Variants in TGM7 observed in about 807,000 individuals in gnomAD.
TGM7 encodes protein-glutamine gamma-glutamyltransferase Z.
A neutral mutation model predicts 79.5 loss-of-function variants in TGM7; 74 were observed. That is an observed-to-expected ratio of 0.93 (90% CI 0.77 to 1.13). TGM7 has a LOEUF of 1.13. Among genes scored for constraint, TGM7 ranks in the 50% most tolerant of loss-of-function variants. The pLI is 0.00. For synonymous variants in TGM7, 354 were observed against 362.5 expected (o/e 0.98, Z 0.27); for missense variants, 912 against 905.9 (o/e 1.01, Z -0.09).
chr15:43,291,898 A>G, intron 4 of TGM7, 81 bp downstream of exon 4: 2 of 1,041,086 alleles, frequency 1.9e-6, no homozygotes, highest in South Asian at 2.7e-5. Context: ...GCTGTGTAAT[A>G]TAACAGCCTT....
Position 43,279,887 on chromosome 15 carries a change from A to C in TGM7, c.1416T>G (p.Ala472=), listed in dbSNP as rs1156830919. 1 of 1,614,208 alleles carries C rather than the reference A, an allele frequency of 6.2e-7. No homozygotes were observed. Among genetic ancestry groups the C allele is most frequent in the Admixed American group, 1.7e-5 (1 of 60,030 alleles). The change falls in exon 10 of 13, where the codon GCT becomes GCG. Residue 472 remains alanine (A), a synonymous_variant. Coordinates refer to ENST00000452443, the MANE Select transcript of TGM7 (RefSeq NM_052955.3). ...ASRKMLGPQR[A]SLPFLDLLES... ...CCAGGAGATCCAGGAAGGGCAAAGA[A>C]GCTCTTTGGGGGCCCAGCATTTTCC...
At position 43,297,587 on chromosome 15, in the gene TGM7, T is replaced by A. The variant is rs141508668; in HGVS notation, c.11-3956A>T. Among the ~76,000 whole-genome samples, 21 of 114,570 alleles carry A rather than the reference T, an allele frequency of 1.8e-4. No individual in the cohort carries two copies. The South Asian group carries it at 6.4e-3, about 35-fold the overall frequency. The allele number at this position is 114,570 out of a possible 152,430, so 75.2% of individuals were successfully genotyped here. A position where few individuals can be genotyped will look rare whatever the true frequency, so the allele number is the denominator to read the frequency against. Reference sequence around the variant, plus strand: ...ACATTGAAACAGCCATCTGCATGTATAGAAAGAAAGAAAGAAAGAAAGAAA... The same window carrying A: ...ACATTGAAACAGCCATCTGCATGTAAAGAAAGAAAGAAAGAAAGAAAGAAA... On this transcript the variant is annotated intron_variant, in intron 1 of 12. Transcript: ENST00000452443.
At position 43,291,428 on chromosome 15, in the gene TGM7, T is replaced by C. The variant is rs953601136; in HGVS notation, c.558+551A>G. Among the ~76,000 whole-genome samples the C allele has an allele frequency of 7.2e-5, 11 of 152,372 alleles. No homozygotes were observed. In the East Asian group the frequency reaches 1.3e-3, roughly 19 times the overall value. On this transcript the variant is annotated intron_variant, in intron 4 of 12. Coordinates refer to ENST00000452443, the MANE Select transcript of TGM7 (RefSeq NM_052955.3). ...ATAACTCAATTCTGCCAATGCAGCA[T>C]GCAAGCAGCCACAGACTACATCTAA...
At chr15:43,276,687 T>A in intron 12 of TGM7, 73 bp from the exon 13 acceptor site, 1 of 1,558,908 alleles carries the variant, frequency 6.4e-7, no homozygotes, top group South Asian at 1.2e-5. Context: ...GGTTCCCCTC[T>A]GGGTGGGTAA....
chr15:43,292,775 C>T lies in TGM7; in HGVS notation c.373G>A (p.Gly125Ser), dbSNP rs1374310542. Residue 125 changes from glycine to serine, a missense_variant, in exon 3 of 13, where the codon GGC becomes AGC. Physicochemically the swap from Gly to Ser is moderately conservative, Grantham distance 56 (BLOSUM62 0). Transcript: ENST00000452443. ...HYTLKIEISQGQGHSVTYPLG... is the reference protein window; with the variant it reads ...HYTLKIEISQSQGHSVTYPLG... ...GGGTAAGTCACACTGTGACCTTGGC[C>T]CTGAGAGATCTCTATTTTCAGAGTG... 1.2e-6 allele frequency: 2 copies of T among 1,613,966 alleles called. No individual in the cohort carries two copies. The highest frequency in any genetic ancestry group is 1.3e-5 in the African/African-American group (1 of 74,898).
chr15:43,284,028 G>C (rs1456657253), intron 7 of TGM7, among the ~76,000 whole-genome samples: 2 of 152,108 alleles, frequency 1.3e-5, no homozygotes, highest in African/African-American at 4.8e-5. Flanking sequence ...GTGAAACCCC[G>C]TCTCTACTAA....
Position 43,287,658 on chromosome 15 carries a change from G to A in TGM7, c.570C>T (p.Asp190=). The A allele has an allele frequency of 5.6e-6, 9 of 1,609,418 alleles. No individual in the cohort carries two copies. The highest frequency in any genetic ancestry group is 6.8e-6 in the Non-Finnish European group (8 of 1,178,900). The change falls in exon 5 of 13, where the codon GAC becomes GAT. Residue 190 remains aspartate, a synonymous_variant. Coordinates refer to ENST00000452443, the MANE Select transcript of TGM7 (RefSeq NM_052955.3). ...WPWNYGQFEE[D]IIDICFEILN... is the part of the protein sequence containing the mutation. ...GGATCTCAAAGCAGATGTCTATGAT[G>A]TCCTCTTCAAACTTCCAAGTGATTT...
chr15:43,299,288 G>A (rs909253604), intron 1 of TGM7, among the ~76,000 whole-genome samples: 3 of 152,130 alleles, frequency 2.0e-5, no homozygotes, highest in Non-Finnish European at 4.4e-5. Context: ...TAGACCAGAG[G>A]GGAAGAAGAG....
intron 1 of TGM7, among the ~76,000 whole-genome samples, chr15:43,294,920 A>C (rs1175784107): frequency 3.4e-5 from 5 of 149,062 alleles, no homozygotes; most frequent in African/African-American, 1.2e-4. Flanking sequence ...TTTTTTGGAG[A>C]CAGGGTCTCA....
chr15:43,285,088 TC>T, intron 6 of TGM7, 136 bp from the exon 7 acceptor site: 1 of 906,260 alleles, frequency 1.1e-6, no homozygotes. Context: ...ACTCCTTTAT[TC>T]CCAGAGCCCC....
chr15:43,276,560 C>A lies in TGM7; in HGVS notation c.2028G>T (p.Pro676=). ...GGAGCTGGCGGGGTCCAGCTTTGGT[C>A]GGGTAGAGGTCCAGTTGAATTTGGA... is the stretch of plus-strand genomic sequence containing the variant. ...HTLQIQLDLY[P]TKAGPRQLQV... Residue 676 remains proline, a synonymous_variant, in exon 13 of 13, where the codon CCG becomes CCT. Coordinates refer to ENST00000452443, the MANE Select transcript of TGM7 (RefSeq NM_052955.3). The A allele has an allele frequency of 6.2e-7, 1 of 1,614,038 alleles. No homozygotes were observed. The highest frequency in any genetic ancestry group is 1.1e-5 in the South Asian group (1 of 91,048).
chr15:43,293,048 C>A, intron 2 of TGM7, 94 bp from the exon 3 acceptor site: 1 of 1,522,196 alleles, frequency 6.6e-7, no homozygotes, highest in Non-Finnish European at 8.8e-7. Context: ...CTTCTCCCAC[C>A]ACCTGCTAAT....
Position 43,276,433 on chromosome 15 carries a change from G to A in TGM7, c.*22C>T. The A allele has an allele frequency of 6.2e-7, 1 of 1,603,742 alleles. No individual in the cohort carries two copies. Among genetic ancestry groups the A allele is most frequent in the Non-Finnish European group, 8.5e-7 (1 of 1,174,454 alleles). On this transcript the variant is annotated 3_prime_UTR_variant, in exon 13 of 13. Coordinates refer to ENST00000452443, the MANE Select transcript of TGM7 (RefSeq NM_052955.3). ...AGCCAGGTGGGGCAGGGGTGCCAGG[G>A]AGGGCAGCTGGAGGGCGGGTCTCAG...
At chr15:43,289,129 G>A (rs1182908573) in intron 4 of TGM7, among the ~76,000 whole-genome samples, 2 of 151,662 alleles carry the variant, frequency 1.3e-5, no homozygotes, top group East Asian at 3.9e-4. Flanking sequence ...AGTTACATAT[G>A]TATACATGTG....
In TGM7 at chr15:43,279,785, C is replaced by T. The variant is rs1464842915; in HGVS notation, c.1518G>A (p.Leu506=). The T allele has an allele frequency of 6.2e-7, 1 of 1,614,134 alleles. No homozygotes were observed. The highest frequency in any genetic ancestry group is 1.3e-5 in the African/African-American group (1 of 75,080). ...LARIPEWGQD[L]QLLLRIQRVP... is the part of the protein sequence containing the mutation. ...CCCTCTGGATACGCAGCAGCAGCTGCAGGTCCTGGCCCCACTCGGGTATCC... is the reference window on the plus strand; with the variant it reads ...CCCTCTGGATACGCAGCAGCAGCTGTAGGTCCTGGCCCCACTCGGGTATCC... Residue 506 remains leucine (L), a synonymous_variant, in exon 10 of 13, where the codon CTG becomes CTA. Coordinates refer to ENST00000452443, the MANE Select transcript of TGM7 (RefSeq NM_052955.3).
intron 1 of TGM7, among the ~76,000 whole-genome samples, chr15:43,299,581 C>G (rs1249557550): frequency 6.6e-6 from 1 of 152,198 alleles, no homozygotes; most frequent in Non-Finnish European, 1.5e-5. Flanking sequence ...TTGGCACGCT[C>G]TAGGTGGAGA....
At chr15:43,280,128 C>T (rs566203759) in intron 9 of TGM7, among the ~76,000 whole-genome samples, 177 bp from the exon 10 acceptor site, 1 of 152,284 alleles carries the variant, frequency 6.6e-6, no homozygotes, top group Non-Finnish European at 1.5e-5. Flanking sequence ...GTGTTCTGTT[C>T]TGTCATCTGT....
chr15:43,283,304 A>C (rs2042918825), intron 7 of TGM7, among the ~76,000 whole-genome samples: 1 of 152,138 alleles, frequency 6.6e-6, no homozygotes, highest in Non-Finnish European at 1.5e-5. Flanking sequence ...TTGTCAGTTG[A>C]CCTAATGATG....
At chr15:43,295,198 G>A (rs2042986470) in intron 1 of TGM7, among the ~76,000 whole-genome samples, 3 of 152,198 alleles carry the variant, frequency 2.0e-5, no homozygotes, top group Non-Finnish European at 2.9e-5. Flanking sequence ...CTTCATCTAA[G>A]TAATCAGTAA....
Sources: allele counts gnomAD v4.1 joint callset (sites outside exome capture counted in the v4.1 genomes callset), GRCh38; gene constraint gnomAD v4.1.1; transcripts MANE v1.5; gene names NCBI Gene and HGNC (gene_info 2026-07-23, HGNC 2026-07-21).